Variants in PHKB observed in about 807,000 individuals in gnomAD.
The protein encoded by PHKB is phosphorylase kinase regulatory subunit beta, also known as phosphorylase b kinase regulatory subunit beta.
Under a neutral mutation model 152.1 loss-of-function variants are expected in PHKB, and 122 were observed. The observed-to-expected ratio is 0.80, with a 90% CI of 0.69 to 0.93. PHKB has a LOEUF of 0.93. PHKB is among the 40% of genes least tolerant of loss of function. The pLI, the probability that PHKB is intolerant of heterozygous loss-of-function variation, is 0.00. For missense variants in PHKB, 1,304 were observed against 1,328.4 expected, an observed-to-expected ratio of 0.98 and a Z score of 0.29; for synonymous variants, 436 against 464.9, an observed-to-expected ratio of 0.94 and a Z score of 0.80.
In PHKB at chr16:47,580,528, T is replaced by G. The variant is rs140669684; in HGVS notation, c.774+170T>G. Among the ~76,000 whole-genome samples the G allele has an allele frequency of 6.5e-4, 98 of 151,790 alleles. 1 individual carries two copies. The highest frequency in any genetic ancestry group is 2.1e-3 in the African/African-American group (88 of 41,460). ...ATGATTTGCCAGTTAAATTTTAGTT[T>G]TCTAACTAAAGACCATTGCTTAATT... On this transcript the variant is annotated intron_variant, in intron 8 of 30. Coordinates refer to ENST00000323584, the MANE Select transcript of PHKB (RefSeq NM_000293.3).
At chr16:47,520,703 A>G (rs1951675729) in intron 6 of PHKB, among the ~76,000 whole-genome samples, 1 of 152,248 alleles carries the variant, frequency 6.6e-6, no homozygotes, top group Non-Finnish European at 1.5e-5. Flanking sequence ...ATAAACATTT[A>G]TTGAGTTTCC....
intron 6 of PHKB, among the ~76,000 whole-genome samples, chr16:47,531,017 T>G (rs535317422): frequency 1.3e-5 from 2 of 152,282 alleles, no homozygotes; most frequent in South Asian, 4.1e-4. Context: ...AGGAAAAATA[T>G]GAAGGGAGAC....
chr16:47,492,677 AAAG>A (rs1567277869), intron 1 of PHKB, among the ~76,000 whole-genome samples: 2 of 152,276 alleles, frequency 1.3e-5, no homozygotes, highest in East Asian at 1.9e-4. Flanking sequence ...CCGTCACAAA[AAAG>A]AAAGGAAAAT....
intron 7 of PHKB, 24 bp from the exon 8 acceptor site, chr16:47,580,270 TA>T: frequency 6.3e-7 from 1 of 1,587,222 alleles, no homozygotes; most frequent in Non-Finnish European, 8.7e-7. Context: ...ATTAGAGTAA[TA>T]AAGCATTTCC....
In PHKB at chr16:47,649,212, CG is replaced by C; in HGVS notation, c.1797+10del. 1 of 1,381,598 alleles carries C rather than the reference CG, an allele frequency of 7.2e-7. No individual in the cohort carries two copies. Among genetic ancestry groups the C allele is most frequent in the Non-Finnish European group, 1.0e-6 (1 of 968,040 alleles). 85.6% of individuals were successfully genotyped at this position (1,381,598 alleles called of 1,614,324 possible). A position where few individuals can be genotyped will look rare whatever the true frequency, so the allele number is the denominator to read the frequency against. ...CTGATAGATGACATAAAGGTAGCTT[CG>C]GAACACCTTTCTTAAAAATGGAATG... On this transcript the variant is annotated intron_variant, in intron 18 of 30. Coordinates refer to ENST00000323584, the MANE Select transcript of PHKB (RefSeq NM_000293.3).
chr16:47,479,789 C>T (rs1266073442), intron 1 of PHKB, among the ~76,000 whole-genome samples: 1 of 152,174 alleles, frequency 6.6e-6, no homozygotes, highest in Non-Finnish European at 1.5e-5. Context: ...TTATCTGCAT[C>T]CCTGATTCCC....
intron 20 of PHKB, among the ~76,000 whole-genome samples, chr16:47,651,208 G>A (rs1973231867): frequency 6.6e-6 from 1 of 152,104 alleles, no homozygotes; most frequent in Admixed American, 6.6e-5. Flanking sequence ...GCTTTTAGGG[G>A]CAAGTTGGCT....
At chr16:47,578,410 A>G (rs1401008283) in intron 7 of PHKB, among the ~76,000 whole-genome samples, 1 of 152,158 alleles carries the variant, frequency 6.6e-6, no homozygotes, top group Admixed American at 6.5e-5. Flanking sequence ...TGGGCATAAT[A>G]GTATAAGACC....
At chr16:47,624,583 A>G (rs1481954508) in intron 14 of PHKB, among the ~76,000 whole-genome samples, 1 of 152,218 alleles carries the variant, frequency 6.6e-6, no homozygotes, top group Non-Finnish European at 1.5e-5. Flanking sequence ...ATCCCCAGGC[A>G]TTAACTCACC....
chr16:47,537,872 T>TTCTCTCTCTCTCTC (rs34841624), intron 6 of PHKB, among the ~76,000 whole-genome samples: 68 of 143,432 alleles, frequency 4.7e-4, no homozygotes, highest in African/African-American at 1.6e-3. Context: ...ACGTGGAAAA[T>TTCTCTCTCTCTCTC]TCTCTCTCTC....
At chr16:47,530,292 T>C (rs1393505298) in intron 6 of PHKB, among the ~76,000 whole-genome samples, 1 of 152,100 alleles carries the variant, frequency 6.6e-6, no homozygotes, top group Non-Finnish European at 1.5e-5. Context: ...TGTGCCACCA[T>C]GCGCAACTAA....
chr16:47,538,605 C>CA (rs1970996537), intron 6 of PHKB, among the ~76,000 whole-genome samples: 2 of 152,242 alleles, frequency 1.3e-5, no homozygotes, highest in South Asian at 4.1e-4. Context: ...AGAATGTAAA[C>CA]ATCATGGATT....
At chr16:47,599,336 A>G (rs538286476) in intron 13 of PHKB, among the ~76,000 whole-genome samples, 5 of 152,312 alleles carry the variant, frequency 3.3e-5, no homozygotes, top group African/African-American at 1.2e-4. Flanking sequence ...GCTTTTTGCC[A>G]TATATCCAGC....
intron 10 of PHKB, among the ~76,000 whole-genome samples, chr16:47,593,137 G>C (rs1972057741): frequency 1.4e-5 from 2 of 144,414 alleles, no homozygotes; most frequent in Admixed American, 1.4e-4. Context: ...GAGAGAGAGA[G>C]AAAGGAAGGA....
At chr16:47,523,871 A>G (rs1306443637) in intron 6 of PHKB, among the ~76,000 whole-genome samples, 2 of 152,222 alleles carry the variant, frequency 1.3e-5, no homozygotes, top group Non-Finnish European at 2.9e-5. Flanking sequence ...AGACATTCAA[A>G]TAGTAACAGT....
chr16:47,549,295 A>G (rs1404288525), intron 7 of PHKB, among the ~76,000 whole-genome samples: 1 of 152,210 alleles, frequency 6.6e-6, no homozygotes, highest in Non-Finnish European at 1.5e-5. Flanking sequence ...TGATTATCAG[A>G]TATCTTCCTT....
intron 11 of PHKB, 67 bp downstream of exon 11, chr16:47,593,624 G>A (rs1352068713): frequency 1.0e-6 from 1 of 956,282 alleles, no homozygotes; most frequent in Non-Finnish European, 1.7e-6. Flanking sequence ...GGATTTAAGT[G>A]GTTTAAAGAA....
intron 1 of PHKB, 37 bp from the exon 2 acceptor site, chr16:47,497,362 A>G (rs754400927): frequency 3.9e-6 from 5 of 1,267,842 alleles, no homozygotes; most frequent in Admixed American, 3.4e-5. Context: ...CTTTGTGAAA[A>G]TGACTGAATT....
chr16:47,577,498 T>C (rs1057294800), intron 7 of PHKB, among the ~76,000 whole-genome samples: 7 of 152,176 alleles, frequency 4.6e-5, no homozygotes, highest in African/African-American at 1.7e-4. Context: ...TTTAAAAAAT[T>C]ACCTTTCTGT....
Sources: allele counts gnomAD v4.1 joint callset (sites outside exome capture counted in the v4.1 genomes callset), GRCh38; gene constraint gnomAD v4.1.1; transcripts MANE v1.5; gene names NCBI Gene and HGNC (gene_info 2026-07-23, HGNC 2026-07-21).